The following STMN3 variants were observed in gnomAD, a reference collection of about 807,000 sequenced individuals.
The protein encoded by STMN3 is stathmin 3.
In STMN3, 24 loss-of-function variants were observed where a neutral mutation model predicts 23.2. That is an observed-to-expected ratio of 1.03 (90% confidence interval 0.75 to 1.45). The LOEUF is 1.45. Among genes scored for constraint, STMN3 ranks in the 40% most tolerant of loss-of-function variants. The pLI is 0.00. For synonymous variants in STMN3, 117 were observed against 103.4 expected, an observed-to-expected ratio of 1.13 and a Z score of -0.80; for missense variants, 235 against 237.6, an observed-to-expected ratio of 0.99 and a Z score of 0.07.
intron 4 of STMN3, among the ~76,000 whole-genome samples, 149 bp downstream of exon 4, chr20:63,641,955 GAGCT>G (rs2089769478): frequency 1.4e-5 from 1 of 71,754 alleles, no homozygotes; most frequent in Non-Finnish European, 2.8e-5. Flanking sequence ...TGCCCGCTCC[GAGCT>G]CCGCCCTGGC....
At chr20:63,642,478 C>T (rs1266347313) in intron 3 of STMN3, among the ~76,000 whole-genome samples, 179 bp from the exon 4 acceptor site, 1 of 151,876 alleles carries the variant, frequency 6.6e-6, no homozygotes, top group Non-Finnish European at 1.5e-5. Context: ...GCCTGCCATC[C>T]GGCCTGTGGT....
In STMN3 at chr20:63,647,948, G is replaced by A. The variant is rs1212949741; in HGVS notation, c.20-3639C>T. Among the ~76,000 whole-genome samples, 257 of 63,818 alleles carry A rather than the reference G, an allele frequency of 4.0e-3. 10 individuals are homozygous for A. Among genetic ancestry groups the A allele is most frequent in the African/African-American group, 0.015 (250 of 16,946 alleles). The allele number at this position is 63,818 out of a possible 152,430, so 41.9% of individuals were successfully genotyped here. ...TATATACGTATATATGTGTGTGTGT[G>A]TATATATATATGTATATATATATAT... On this transcript the variant is annotated intron_variant, in intron 1 of 4. Coordinates refer to ENST00000370053, the MANE Select transcript of STMN3 (RefSeq NM_015894.4).
chr20:63,642,342 C>G (rs770041869), intron 3 of STMN3, 43 bp from the exon 4 acceptor site: 9 of 1,350,422 alleles, frequency 6.7e-6, no homozygotes, highest in African/African-American at 1.5e-5. Context: ...AACCCCGGGC[C>G]CTGCCCGGCC....
Position 63,645,151 on chromosome 20 carries a change from C to A in STMN3, c.20-842G>T, listed in dbSNP as rs149283606. On this transcript the variant is annotated intron_variant, in intron 1 of 4. Transcript: ENST00000370053. Reference sequence around the variant, plus strand: ...CTTACCTCCCTCTGTCCCGCTACTTCTCTCTCCCCTCCTCCTCCTTCCCAC... The same window carrying A: ...CTTACCTCCCTCTGTCCCGCTACTTATCTCTCCCCTCCTCCTCCTTCCCAC... 2.8e-4 allele frequency among the ~76,000 whole-genome samples: 43 copies of A among 152,310 alleles called. No homozygotes were observed. The East Asian group carries it at 8.3e-3, about 29-fold the overall frequency.
At chr20:63,641,948 CCGCT>C in intron 4 of STMN3, among the ~76,000 whole-genome samples, 156 bp downstream of exon 4, 1 of 124,764 alleles carries the variant, frequency 8.0e-6, no homozygotes, top group Non-Finnish European at 1.7e-5. Context: ...CGGCCCCTGC[CCGCT>C]CCGAGCTCCG....
chr20:63,646,303 AG>A (rs1366473702), intron 1 of STMN3, among the ~76,000 whole-genome samples: 2 of 151,942 alleles, frequency 1.3e-5, no homozygotes, highest in African/African-American at 4.8e-5. Flanking sequence ...AGGGAGATGG[AG>A]GGGGACCAGG....
chr20:63,643,993 G>C, intron 2 of STMN3, 62 bp from the exon 3 acceptor site: 1 of 1,570,418 alleles, frequency 6.4e-7, no homozygotes, highest in Non-Finnish European at 8.6e-7. Context: ...TGGGCTGAGC[G>C]GGATGCTCCC....
intron 1 of STMN3, among the ~76,000 whole-genome samples, chr20:63,649,889 CGA>C (rs912660681): frequency 2.7e-5 from 4 of 150,178 alleles, no homozygotes; most frequent in African/African-American, 9.8e-5. Flanking sequence ...TGCAGTGGCG[CGA>C]TGTCGGCTCA....
intron 1 of STMN3, 104 bp from the exon 2 acceptor site, chr20:63,644,413 G>GATA: frequency 1.2e-6 from 1 of 846,478 alleles, no homozygotes; most frequent in Non-Finnish European, 1.9e-6. Flanking sequence ...TGTGAGACAC[G>GATA]GAGCTGCCCA....
chr20:63,641,499 C>T lies in STMN3; in HGVS notation c.484-102G>A, dbSNP rs1355880632. ...CGTGGCGCCCTGGCACCCGCCCGGC[C>T]TCATCCGGGCTGGCCTTCGGCAGGA... is the stretch of plus-strand genomic sequence containing the variant. On this transcript the variant is annotated intron_variant, in intron 4 of 4. Coordinates refer to ENST00000370053, the MANE Select transcript of STMN3 (RefSeq NM_015894.4). The T allele has an allele frequency of 1.1e-5, 10 of 930,378 alleles. No homozygotes were observed. The African/African-American group carries it at 1.7e-4, about 15-fold the overall frequency. The allele number at this position is 930,378 out of a possible 1,614,324, so 57.6% of individuals were successfully genotyped here.
At chr20:63,647,950 ATATATATATG>A (rs1415132577) in intron 1 of STMN3, among the ~76,000 whole-genome samples, 2 of 36,920 alleles carry the variant, frequency 5.4e-5, no homozygotes, top group African/African-American at 2.6e-4. Context: ...GTGTGTGTGT[ATATATATATG>A]TATATATATA....
intron 1 of STMN3, among the ~76,000 whole-genome samples, chr20:63,649,327 C>G (rs554611406): frequency 1.3e-5 from 2 of 152,090 alleles, no homozygotes; most frequent in Admixed American, 1.3e-4. Flanking sequence ...GGGAAGTCTG[C>G]GCACAGGGCA....
At chr20:63,649,849 C>CG (rs1301631383) in intron 1 of STMN3, among the ~76,000 whole-genome samples, 9 of 141,834 alleles carry the variant, frequency 6.3e-5, no homozygotes, top group Non-Finnish European at 1.4e-4. Context: ...TTTTTTAAGA[C>CG]GGGGTCTCAC....
Position 63,643,904 on chromosome 20 carries a change from C to T in STMN3, c.143G>A (p.Arg48Gln), listed in dbSNP as rs761900618. 3.8e-6 allele frequency: 6 copies of T among 1,598,294 alleles called. No individual in the cohort carries two copies. The highest frequency in any genetic ancestry group is 2.7e-5 in the African/African-American group (2 of 73,708). The change falls in exon 3 of 5, where the codon CGG becomes CAG. Residue 48 changes from arginine to glutamine, a missense_variant. Coordinates refer to ENST00000370053, the MANE Select transcript of STMN3 (RefSeq NM_015894.4). The stretch of plus-strand genomic sequence containing the variant: ...GACCTCGAAGCTCTGGCCTGAGGCC[C>T]GCTTGTCCAGCTGCTTCACCTCCAT... ...GDMEVKQLDK[R>Q]ASGQSFEVIL...
At chr20:63,646,791 C>T (rs554884999) in intron 1 of STMN3, among the ~76,000 whole-genome samples, 67 of 150,740 alleles carry the variant, frequency 4.4e-4, no homozygotes, top group Non-Finnish European at 8.9e-4. Context: ...CAGGTGCATG[C>T]CAGCACACCA....
chr20:63,645,407 G>T (rs1271971811), intron 1 of STMN3, among the ~76,000 whole-genome samples: 1 of 152,158 alleles, frequency 6.6e-6, no homozygotes, highest in African/African-American at 2.4e-5. Context: ...CAAGGAGCAA[G>T]GGAGGGAAGC....
At position 63,653,314 on chromosome 20, in the gene STMN3, C is replaced by A. The variant is rs756560227; in HGVS notation, c.19+13G>T. ...TCCCGCCGCCCCACAAAGCCCGTGGCCCCGGAGCCTACCGGAAATGGTGCT... is the reference window on the plus strand; with the variant it reads ...TCCCGCCGCCCCACAAAGCCCGTGGACCCGGAGCCTACCGGAAATGGTGCT... On this transcript the variant is annotated intron_variant, in intron 1 of 4. Transcript: ENST00000370053. The A allele has an allele frequency of 3.8e-5, 59 of 1,546,598 alleles. No homozygotes were observed. In the South Asian group the frequency reaches 6.0e-4, roughly 16 times the overall value.
intron 1 of STMN3, 75 bp from the exon 2 acceptor site, chr20:63,644,384 G>T: frequency 2.6e-6 from 3 of 1,141,502 alleles, no homozygotes; most frequent in Non-Finnish European, 2.6e-6. Flanking sequence ...CCTCCCCATG[G>T]CTGCCTCTAT....
At chr20:63,650,961 CTTT>C (rs151283484) in intron 1 of STMN3, among the ~76,000 whole-genome samples, 5 of 132,982 alleles carry the variant, frequency 3.8e-5, no homozygotes, top group Admixed American at 7.5e-5. Context: ...CTTCTTTCTT[CTTT>C]TTTTTTTTTT....
Sources: gnomAD v4.1 joint callset for allele counts (sites outside exome capture counted in the v4.1 genomes callset) on GRCh38, gnomAD v4.1.1 for gene constraint, MANE v1.5 for transcripts, NCBI Gene and HGNC (gene_info 2026-07-23, HGNC 2026-07-21) for gene names.